The following CASD1 variants were observed in gnomAD, a reference collection of about 807,000 sequenced individuals.
CASD1 encodes N-acetylneuraminate (7)9-O-acetyltransferase.
In CASD1, 41 loss-of-function variants were observed where a neutral mutation model predicts 100.0. The observed-to-expected ratio is 0.41, with a 90% CI of 0.32 to 0.53. CASD1 has a LOEUF of 0.53. Among genes scored for constraint, CASD1 ranks in the 20% least tolerant of loss-of-function variants. CASD1 has a pLI of 0.25. For missense variants in CASD1, 774 were observed against 948.7 expected (o/e 0.82, Z 2.42); for synonymous variants, 321 against 315.6 (o/e 1.02, Z -0.18).
chr7:94,512,126 T>C (rs1793742501), intron 1 of CASD1, among the ~76,000 whole-genome samples: 1 of 152,222 alleles, frequency 6.6e-6, no homozygotes, highest in East Asian at 1.9e-4. Flanking sequence ...AAGATAATCA[T>C]ACATTTGACT....
the CASD1 span, chr7:94,598,509 G>T: frequency 1.9e-5 from 8 of 418,672 alleles, no homozygotes; most frequent in South Asian, 2.3e-4. Flanking sequence ...AACATGTAAT[G>T]TTGAGTTTAA....
At chr7:94,625,330 C>G in the CASD1 span, 2 of 151,848 alleles carry the variant, frequency 1.3e-5, no homozygotes, top group Non-Finnish European at 2.9e-5. Flanking sequence ...AGATAAGTCA[C>G]TATATTATAT....
At chr7:94,511,022 T>A (rs1021393190) in intron 1 of CASD1, among the ~76,000 whole-genome samples, 2 of 152,202 alleles carry the variant, frequency 1.3e-5, no homozygotes, top group African/African-American at 4.8e-5. Context: ...GAAAAGGAAA[T>A]ATGACCTGAT....
At chr7:94,535,595 A>AC in intron 8 of CASD1, 72 bp downstream of exon 8, 12 of 1,062,554 alleles carry the variant, frequency 1.1e-5, no homozygotes, top group Non-Finnish European at 1.6e-5. Flanking sequence ...AGTCATTATA[A>AC]CATGGTTATA....
chr7:94,542,842 C>T (rs1407861820), intron 10 of CASD1, among the ~76,000 whole-genome samples: 2 of 152,246 alleles, frequency 1.3e-5, no homozygotes, highest in African/African-American at 4.8e-5. Flanking sequence ...TGCCTCCATC[C>T]TTGTGATTCT....
chr7:94,522,259 GGATTCACCAGGTAAATACTAAA>G (rs1306658666), intron 3 of CASD1, among the ~76,000 whole-genome samples: 4 of 152,044 alleles, frequency 2.6e-5, no homozygotes, highest in African/African-American at 9.7e-5. Context: ...AAATGAAAAA[GGATTCACCAGGTAAATACTAAA>G]GAAAGTTAAG....
At position 94,545,653 on chromosome 7, in the gene CASD1, T is replaced by C. The variant is rs752277501; in HGVS notation, c.1585T>C (p.Tyr529His). ...PLVTVWFMVIYVTLALWPQII... is the reference protein window; with the variant it reads ...PLVTVWFMVIHVTLALWPQII... ...GGTCACTGTATGGTTCATGGTCATA[T>C]ATGTTACTTTAGCACTATGGCCACA... Residue 529 changes from tyrosine to histidine, a missense_variant, in exon 12 of 18, where the codon TAT becomes CAT. This residue lies in a region of CASD1 where 453 missense variants were observed against 532.6 expected (regional missense o/e 0.85). Transcript: ENST00000297273. The C allele has an allele frequency of 4.3e-6, 7 of 1,609,976 alleles. No homozygotes were observed. Among genetic ancestry groups the C allele is most frequent in the African/African-American group, 1.3e-5 (1 of 74,856 alleles).
At chr7:94,555,139 T>G (rs1340312259) in intron 17 of CASD1, among the ~76,000 whole-genome samples, 1 of 152,248 alleles carries the variant, frequency 6.6e-6, no homozygotes, top group African/African-American at 2.4e-5. Context: ...TTATTTGAAA[T>G]AGAATGTTTT....
At chr7:94,613,805 T>C in the CASD1 span, among the ~76,000 whole-genome samples, 2 of 152,172 alleles carry the variant, frequency 1.3e-5, no homozygotes, top group Admixed American at 6.6e-5. Flanking sequence ...AATATGTCCA[T>C]ATATGTTACA....
downstream of CASD1, among the ~76,000 whole-genome samples, chr7:94,560,043 T>C (rs1222609503): frequency 6.6e-6 from 1 of 152,220 alleles, no homozygotes; most frequent in Non-Finnish European, 1.5e-5. Context: ...TTAGGCTTTG[T>C]CTTTCTCTTT....
At chr7:94,516,388 A>G (rs1021927806) in intron 1 of CASD1, among the ~76,000 whole-genome samples, 3 of 152,162 alleles carry the variant, frequency 2.0e-5, no homozygotes, top group Non-Finnish European at 4.4e-5. Flanking sequence ...GAGTAACTAG[A>G]TTGAGAAAAG....
chr7:94,550,467 C>T (rs970562450), intron 14 of CASD1, among the ~76,000 whole-genome samples: 5 of 152,060 alleles, frequency 3.3e-5, no homozygotes, highest in Non-Finnish European at 5.9e-5. Context: ...TATTATGATA[C>T]GACTGTCCCA....
chr7:94,528,360 T>A (rs950842870), intron 5 of CASD1, 110 bp downstream of exon 5: 3 of 723,886 alleles, frequency 4.1e-6, no homozygotes, highest in African/African-American at 3.6e-5. Context: ...ATTTTATACC[T>A]GCCTTCTTAA....
At position 94,535,777 on chromosome 7, in the gene CASD1, G is replaced by C. The variant is rs151178944; in HGVS notation, c.843+254G>C. On this transcript the variant is annotated intron_variant, in intron 8 of 17. Coordinates refer to ENST00000297273, the MANE Select transcript of CASD1 (RefSeq NM_022900.5). The stretch of plus-strand genomic sequence containing the variant: ...GGAAATTAAACTTCATTTACTGAGT[G>C]CTAATCACTGTTAATATACATTGTC... 3.8e-3 allele frequency among the ~76,000 whole-genome samples: 578 copies of C among 152,188 alleles called. 5 individuals carry two copies. The highest frequency in any genetic ancestry group is 0.014 in the African/African-American group (565 of 41,522).
At chr7:94,575,843 A>G in the CASD1 span, among the ~76,000 whole-genome samples, 11 of 152,196 alleles carry the variant, frequency 7.2e-5, no homozygotes, top group African/African-American at 2.7e-4. Context: ...TGAGAAATCC[A>G]CTGTTAATCT....
At chr7:94,526,953 T>A (rs1398416103) in intron 3 of CASD1, among the ~76,000 whole-genome samples, 3 of 152,234 alleles carry the variant, frequency 2.0e-5, no homozygotes, top group Admixed American at 2.0e-4. Context: ...ATGTTGAAAA[T>A]CACATGTAGA....
rs754692582 is a variant in CASD1, at chr7:94,517,594, C to T, written c.168C>T (p.Gly56=). 8.7e-6 allele frequency: 14 copies of T among 1,612,550 alleles called. No individual in the cohort carries two copies. In the South Asian group the frequency reaches 1.2e-4, roughly 14 times the overall value. The stretch of plus-strand genomic sequence containing the variant: ...CGTGTGAATACCTTCTCTCAAGTGG[C>T]AGATTTCTTGGAGAGAAAGTTTGGC... ...NDSCEYLLSS[G]RFLGEKVWQP... The change falls in exon 2 of 18, where the codon GGC becomes GGT. Residue 56 remains glycine, a synonymous_variant. Transcript: ENST00000297273.
At chr7:94,579,218 T>TAA in the CASD1 span, among the ~76,000 whole-genome samples, 415 of 136,026 alleles carry the variant, frequency 3.1e-3, 1 homozygote, top group African/African-American at 9.0e-3. Flanking sequence ...TTTTAAATGT[T>TAA]AAAAAAAAAA....
At chr7:94,541,841 C>T (rs1444407373) in intron 10 of CASD1, among the ~76,000 whole-genome samples, 1 of 151,752 alleles carries the variant, frequency 6.6e-6, no homozygotes, top group African/African-American at 2.4e-5. Context: ...AGAAACCATC[C>T]TTTTTTCCTA....
Sources: allele counts gnomAD v4.1 joint callset (sites outside exome capture counted in the v4.1 genomes callset), GRCh38; gene constraint gnomAD v4.1.1; regional missense constraint gnomAD v4.1.1; transcripts MANE v1.5; gene names NCBI Gene and HGNC (gene_info 2026-07-23, HGNC 2026-07-21).